Variants in AFAP1 observed in about 807,000 individuals in gnomAD.
The protein encoded by AFAP1 is actin filament-associated protein 1.
In AFAP1, 75 loss-of-function variants were observed where a neutral mutation model predicts 93.9. That is an observed-to-expected ratio of 0.80 (90% CI 0.66 to 0.97). AFAP1 has a LOEUF of 0.97. AFAP1 is among the 50% of genes least tolerant of loss of function. AFAP1 has a pLI of 0.00. For missense variants in AFAP1, 1,201 were observed against 1,050.8 expected (o/e 1.14, Z -1.98); for synonymous variants, 517 against 430.7 (o/e 1.20, Z -2.48).
chr4:7,809,475 A>G, intron 9 of AFAP1, 139 bp downstream of exon 9: 1 of 993,760 alleles, frequency 1.0e-6, no homozygotes, highest in South Asian at 2.2e-5. Context: ...TACATTTCCC[A>G]CTATCTGAAT....
intron 9 of AFAP1, among the ~76,000 whole-genome samples, chr4:7,808,727 C>T (rs1487951735): frequency 6.6e-6 from 1 of 152,142 alleles, no homozygotes. Flanking sequence ...GGGAGCAGAT[C>T]TCTTATAAAT....
chr4:7,876,770 G>A (rs1717536936), intron 1 of AFAP1, among the ~76,000 whole-genome samples: 1 of 152,150 alleles, frequency 6.6e-6, no homozygotes, highest in South Asian at 2.1e-4. Flanking sequence ...AATCTGTGTG[G>A]TTTTCTGTTC....
At chr4:7,801,906 C>A (rs1318392115) in intron 9 of AFAP1, among the ~76,000 whole-genome samples, 2 of 92,286 alleles carry the variant, frequency 2.2e-5, no homozygotes, top group African/African-American at 8.6e-5. Context: ...CACAGTGAGA[C>A]CCTATCACAA....
intron 1 of AFAP1, among the ~76,000 whole-genome samples, chr4:7,920,955 T>C (rs1382986162): frequency 1.3e-5 from 2 of 151,620 alleles, no homozygotes; most frequent in Non-Finnish European, 2.9e-5. Context: ...AAGCTAAATA[T>C]ATAAACTATA....
At chr4:7,845,101 G>C (rs189811122) in intron 4 of AFAP1, among the ~76,000 whole-genome samples, 315 of 152,152 alleles carry the variant, frequency 2.1e-3, no homozygotes, top group Non-Finnish European at 3.8e-3. Context: ...AAGATTTAGA[G>C]TTTAAGTTGA....
chr4:7,812,724 A>C (rs1381271590), intron 8 of AFAP1, among the ~76,000 whole-genome samples: 1 of 152,260 alleles, frequency 6.6e-6, no homozygotes, highest in Admixed American at 6.5e-5. Flanking sequence ...GCATTCTCTA[A>C]AACCATGAGT....
intron 1 of AFAP1, among the ~76,000 whole-genome samples, chr4:7,934,513 G>C (rs918506659): frequency 9.9e-5 from 15 of 152,162 alleles, no homozygotes; most frequent in African/African-American, 3.6e-4. Flanking sequence ...ATTCTTCGAG[G>C]ACCAGGGCCG....
chr4:7,780,359 C>G (rs1716633703), intron 13 of AFAP1, among the ~76,000 whole-genome samples: 1 of 152,228 alleles, frequency 6.6e-6, no homozygotes, highest in African/African-American at 2.4e-5. Flanking sequence ...TTCTAAGTCA[C>G]TACTATCTAT....
intron 4 of AFAP1, among the ~76,000 whole-genome samples, chr4:7,853,596 A>T (rs999811544): frequency 3.9e-5 from 6 of 152,172 alleles, no homozygotes; most frequent in African/African-American, 1.4e-4. Context: ...CCAGGGAAGA[A>T]GTTCTCACAA....
intron 10 of AFAP1, among the ~76,000 whole-genome samples, chr4:7,794,494 G>A (rs1306460843): frequency 6.6e-6 from 1 of 151,980 alleles, no homozygotes; most frequent in Non-Finnish European, 1.5e-5. Context: ...TTAAGATTAT[G>A]TTCGTTCAAT....
chr4:7,911,924 G>A (rs547783061), intron 1 of AFAP1, among the ~76,000 whole-genome samples: 2 of 152,256 alleles, frequency 1.3e-5, no homozygotes, highest in Admixed American at 6.5e-5. Flanking sequence ...ATGGCAACAC[G>A]GGGAATGAAA....
intron 1 of AFAP1, among the ~76,000 whole-genome samples, chr4:7,913,367 G>A (rs141751616): frequency 1.1e-3 from 166 of 145,086 alleles, no homozygotes; most frequent in African/African-American, 3.9e-3. Context: ...TCCAGCCTGG[G>A]AGACAGTAAG....
intron 3 of AFAP1, among the ~76,000 whole-genome samples, chr4:7,867,399 C>T (rs1045660964): frequency 4.6e-5 from 7 of 152,152 alleles, no homozygotes; most frequent in Admixed American, 2.0e-4. Flanking sequence ...TGAGGCAGCG[C>T]GGGGGCGGGA....
intron 5 of AFAP1, among the ~76,000 whole-genome samples, chr4:7,840,204 T>G (rs762801681): frequency 8.5e-5 from 13 of 152,060 alleles, no homozygotes; most frequent in Non-Finnish European, 1.8e-4. Context: ...TAGGAAGGAA[T>G]GAATAGATAG....
intron 1 of AFAP1, among the ~76,000 whole-genome samples, chr4:7,900,951 T>C (rs550528231): frequency 6.6e-6 from 1 of 152,354 alleles, no homozygotes; most frequent in East Asian, 1.9e-4. Context: ...GTCCTGTTTC[T>C]ATGTTCATCA....
intron 1 of AFAP1, among the ~76,000 whole-genome samples, chr4:7,888,437 C>G (rs895730001): frequency 8.5e-5 from 13 of 152,246 alleles, no homozygotes; most frequent in East Asian, 1.9e-4. Flanking sequence ...ATGGGTCACA[C>G]AGGTACAGAC....
Position 7,774,494 on chromosome 4 carries a change from C to A in AFAP1, c.2062+245G>T, listed in dbSNP as rs377652886. On this transcript the variant is annotated intron_variant, in intron 15 of 17. Coordinates refer to ENST00000420658, the MANE Select transcript of AFAP1 (RefSeq NM_001134647.2). ...ACAGGTCCCCCAGCACCTCCCCTGC[C>A]TCGGTGAGCAGCGTGTGGGTCTGGC... is the stretch of plus-strand genomic sequence containing the variant. 214 of 511,060 alleles carry A rather than the reference C, an allele frequency of 4.2e-4. 2 individuals carry two copies. The South Asian group carries it at 5.7e-3, about 14-fold the overall frequency. The allele number at this position is 511,060 out of a possible 1,614,324, so 31.7% of individuals were successfully genotyped here.
chr4:7,771,158 G>A (rs1418977118), intron 16 of AFAP1, among the ~76,000 whole-genome samples: 1 of 152,230 alleles, frequency 6.6e-6, no homozygotes, highest in Non-Finnish European at 1.5e-5. Context: ...TAAGCTCCAT[G>A]AAACAGGGAT....
At chr4:7,847,392 T>G (rs1215520976) in intron 4 of AFAP1, among the ~76,000 whole-genome samples, 5 of 151,776 alleles carry the variant, frequency 3.3e-5, no homozygotes, top group African/African-American at 4.8e-5. Flanking sequence ...CCGGAAAGTA[T>G]GCTTAGCAGT....
Sources: allele counts gnomAD v4.1 joint callset (sites outside exome capture counted in the v4.1 genomes callset), GRCh38; gene constraint gnomAD v4.1.1; transcripts MANE v1.5; gene names NCBI Gene and HGNC (gene_info 2026-07-23, HGNC 2026-07-21).